SLC2A5: variants seen among roughly 807,000 people sequenced by gnomAD.
SLC2A5 encodes the protein solute carrier family 2 member 5.
Under a neutral mutation model 50.3 loss-of-function variants are expected in SLC2A5, and 56 were observed. The ratio of observed to expected loss-of-function variants is 1.11; its 90% CI spans 0.90 to 1.39. The LOEUF (loss-of-function observed/expected upper bound fraction) is 1.39, where lower values mean the gene tolerates loss of function less well. Ranked by LOEUF, SLC2A5 falls within the 40% of genes most tolerant of loss-of-function variation. The pLI is 0.00. For synonymous variants in SLC2A5, 269 were observed against 281.9 expected, an observed-to-expected ratio of 0.95 and a Z score of 0.46; for missense variants, 566 against 650.1, an observed-to-expected ratio of 0.87 and a Z score of 1.41.
chr1:9,040,332 C>T lies in SLC2A5; in HGVS notation c.572-143G>A. The T allele has an allele frequency of 9.9e-7, 1 of 1,005,814 alleles. No individual in the cohort carries two copies. Among genetic ancestry groups the T allele is most frequent in the Non-Finnish European group, 1.4e-6 (1 of 707,192 alleles). The allele number at this position is 1,005,814 out of a possible 1,614,324, so 62.3% of individuals were successfully genotyped here. A position where few individuals can be genotyped will look rare whatever the true frequency, so the allele number is the denominator to read the frequency against. Reference sequence around the variant, plus strand: ...GCTTTCCCAGCCCTAAGAACAGCAACTCCCGACGGTGGACACTCGGGAAAC... The same window carrying T: ...GCTTTCCCAGCCCTAAGAACAGCAATTCCCGACGGTGGACACTCGGGAAAC... On this transcript the variant is annotated intron_variant, in intron 5 of 11. Coordinates refer to ENST00000377424, the MANE Select transcript of SLC2A5 (RefSeq NM_003039.3). The surrounding 1 kb of genome is among the most constrained non-coding windows in gnomAD (Gnocchi z 4.3).
intron 8 of SLC2A5, 27 bp from the exon 9 acceptor site, chr1:9,038,956 G>A (rs778533186): frequency 6.9e-6 from 11 of 1,603,032 alleles, no homozygotes; most frequent in Admixed American, 5.1e-5. Context: ...GGGCTCAGGC[G>A]GGAGAGGCCC....
intron 1 of SLC2A5, among the ~76,000 whole-genome samples, chr1:9,086,404 A>G (rs972848000): frequency 1.2e-5 from 1 of 83,600 alleles, no homozygotes; most frequent in Admixed American, 1.2e-4. Flanking sequence ...TTTTTTTTTT[A>G]TTGAGATGAA....
chr1:9,083,698 G>A (rs1237736492), intron 2 of SLC2A5, among the ~76,000 whole-genome samples: 2 of 152,152 alleles, frequency 1.3e-5, no homozygotes, highest in African/African-American at 4.8e-5. Flanking sequence ...GGTGGCACAT[G>A]CCTGTAATCC....
chr1:9,042,753 C>A (rs551229424), intron 4 of SLC2A5, among the ~76,000 whole-genome samples: 3 of 151,860 alleles, frequency 2.0e-5, no homozygotes, highest in African/African-American at 7.2e-5. Flanking sequence ...GACCCCTAGC[C>A]CCCAGCTTTA....
chr1:9,088,394 C>T (rs1363272999), exon 1 of SLC2A5: 1 of 152,290 alleles, frequency 6.6e-6, no homozygotes. Flanking sequence ...TACTCCAGCC[C>T]CTTGGGTGGC....
chr1:9,046,973 C>T (rs1202704059), intron 4 of SLC2A5, among the ~76,000 whole-genome samples: 2 of 151,634 alleles, frequency 1.3e-5, no homozygotes, highest in African/African-American at 4.9e-5. Context: ...AGGCAGTTTC[C>T]CTTCTCTCTC....
intron 2 of SLC2A5, among the ~76,000 whole-genome samples, chr1:9,083,210 C>A (rs146370158): frequency 1.3e-5 from 2 of 152,208 alleles, no homozygotes; most frequent in African/African-American, 2.4e-5. Context: ...AAAGGCAACG[C>A]AAGGGCAGGG....
chr1:9,086,387 C>CTTTTTTTTTTT lies in SLC2A5; in HGVS notation c.-187-1256_-187-1246dup, dbSNP rs34593630. ...AGGCTGGGATTTTCTTTTTCTCTCT[C>CTTTTTTTTTTT]TTTTTTTTTTTTTTTTATTGAGATG... On this transcript the variant is annotated intron_variant, in intron 1 of 5. Transcript: ENST00000464985. 3.4e-3 allele frequency among the ~76,000 whole-genome samples: 484 copies of CTTTTTTTTTTT among 140,500 alleles called. 11 individuals are homozygous for CTTTTTTTTTTT. The highest frequency in any genetic ancestry group is 0.012 in the African/African-American group (452 of 37,662). The allele number at this position is 140,500 out of a possible 152,430, so 92.2% of individuals were successfully genotyped here. A position where few individuals can be genotyped will look rare whatever the true frequency, so the allele number is the denominator to read the frequency against.
chr1:9,046,437 T>C (rs1294557272), intron 4 of SLC2A5, among the ~76,000 whole-genome samples: 2 of 152,166 alleles, frequency 1.3e-5, no homozygotes, highest in African/African-American at 4.8e-5. Flanking sequence ...CCCAGTTTGT[T>C]AGATGAGAGG....
intron 1 of SLC2A5, among the ~76,000 whole-genome samples, chr1:9,067,167 G>A (rs958771322): frequency 1.5e-4 from 23 of 152,012 alleles, no homozygotes; most frequent in Admixed American, 1.1e-3. Flanking sequence ...CTCCCCTCTC[G>A]GCTGCACTTA....
At chr1:9,039,288 G>C (rs1422447637) in intron 8 of SLC2A5, among the ~76,000 whole-genome samples, 1 of 152,242 alleles carries the variant, frequency 6.6e-6, no homozygotes, top group Non-Finnish European at 1.5e-5. Flanking sequence ...CGGGTAGCCC[G>C]GGCTCGGAGC....
At chr1:9,083,329 T>C (rs565017639) in intron 2 of SLC2A5, among the ~76,000 whole-genome samples, 1 of 152,246 alleles carries the variant, frequency 6.6e-6, no homozygotes, top group African/African-American at 2.4e-5. Context: ...GAGACAGGAA[T>C]AATACAGGGT....
At position 9,037,656 on chromosome 1, in the gene SLC2A5, T is replaced by A; in HGVS notation, c.1436A>T (p.Asn479Ile). The A allele has an allele frequency of 6.2e-7, 1 of 1,614,214 alleles. No individual in the cohort carries two copies. The highest frequency in any genetic ancestry group is 8.5e-7 in the Non-Finnish European group (1 of 1,180,032). ...IEINQIFTKM[N>I]KVSEVYPEKE... is the part of the protein sequence containing the mutation. Reference sequence around the variant, plus strand: ...TTCCGGGTACACTTCAGACACCTTATTCATCTTGGTGAAAATCTGGTTGAT... The same window carrying A: ...TTCCGGGTACACTTCAGACACCTTAATCATCTTGGTGAAAATCTGGTTGAT... Residue 479 changes from asparagine (N) to isoleucine (I), a missense_variant, in exon 12 of 12, where the codon AAT becomes ATT. Asn to Ile is a moderately radical substitution (Grantham distance 149, BLOSUM62 -3). Coordinates refer to ENST00000377424, the MANE Select transcript of SLC2A5 (RefSeq NM_003039.3).
At chr1:9,038,534 T>C (rs758504892) in intron 9 of SLC2A5, 28 bp from the exon 10 acceptor site, 1 of 1,591,404 alleles carries the variant, frequency 6.3e-7, no homozygotes, top group Non-Finnish European at 8.6e-7. Flanking sequence ...TTGGTTCACC[T>C]GGAGCAGACA....
At chr1:9,042,453 G>A (rs1470989875) in intron 4 of SLC2A5, among the ~76,000 whole-genome samples, 1 of 151,204 alleles carries the variant, frequency 6.6e-6, no homozygotes, top group Admixed American at 6.6e-5. Context: ...TGGCCTGTGT[G>A]TATTTACATA....
At chr1:9,051,395 CA>C (rs1641573677) in intron 3 of SLC2A5, among the ~76,000 whole-genome samples, 1 of 152,086 alleles carries the variant, frequency 6.6e-6, no homozygotes, top group Non-Finnish European at 1.5e-5. Context: ...AAAATATTTG[CA>C]GAAGGCATAT....
chr1:9,040,022 G>A lies in SLC2A5; in HGVS notation c.698-35C>T. 6.3e-7 allele frequency: 1 copy of A among 1,590,106 alleles called. No individual in the cohort carries two copies. The highest frequency in any genetic ancestry group is 8.6e-7 in the Non-Finnish European group (1 of 1,164,908). The stretch of plus-strand genomic sequence containing the variant: ...AGCGGCACCGTCGGACCAGGGCTGG[G>A]GAGCAGAACCTGGAGGCCGCCCCCG... On this transcript the variant is annotated intron_variant, in intron 6 of 11. Coordinates refer to ENST00000377424, the MANE Select transcript of SLC2A5 (RefSeq NM_003039.3). This position sits in a 1 kb window ranked among gnomAD's most constrained non-coding sequence, Gnocchi z 4.3.
chr1:9,065,410 T>A (rs1642054777), intron 1 of SLC2A5, among the ~76,000 whole-genome samples: 1 of 152,208 alleles, frequency 6.6e-6, no homozygotes, highest in South Asian at 2.1e-4. Flanking sequence ...CAGAGAGACA[T>A]TCTCTCAGTT....
At chr1:9,046,023 G>A (rs538264659) in intron 4 of SLC2A5, among the ~76,000 whole-genome samples, 6 of 152,046 alleles carry the variant, frequency 3.9e-5, no homozygotes, top group Admixed American at 1.3e-4. Flanking sequence ...TTTTTTTCAC[G>A]TCTCTGTTAC....
Sources: gnomAD v4.1 joint callset for allele counts (sites outside exome capture counted in the v4.1 genomes callset) on GRCh38, gnomAD v4.1.1 for gene constraint, Gnocchi (gnomAD v3.1) non-coding constraint, MANE v1.5 for transcripts, NCBI Gene and HGNC (gene_info 2026-07-23, HGNC 2026-07-21) for gene names.